CPQ: variants seen among roughly 807,000 people sequenced by gnomAD.
CPQ encodes the protein Ser-Met dipeptidase.
A neutral mutation model predicts 45.7 loss-of-function variants in CPQ; 37 were observed. The observed-to-expected ratio is 0.81, with a 90% confidence interval of 0.62 to 1.07. The LOEUF (loss-of-function observed/expected upper bound fraction) is 1.07, where lower values mean the gene tolerates loss of function less well. Ranked by LOEUF, CPQ falls within the 50% of genes least tolerant of loss-of-function variation. The pLI is 0.00. For synonymous variants in CPQ, 186 were observed against 205.8 expected (o/e 0.90, Z 0.82); for missense variants, 537 against 572.9 (o/e 0.94, Z 0.64).
At chr8:97,044,276 C>T (rs938138177) in intron 6 of CPQ, among the ~76,000 whole-genome samples, 25 of 152,294 alleles carry the variant, frequency 1.6e-4, no homozygotes, top group African/African-American at 4.6e-4. Context: ...TTGATTGCAT[C>T]GGCTCCTGAG....
At chr8:96,826,706 T>C (rs932714812) in intron 2 of CPQ, among the ~76,000 whole-genome samples, 2 of 151,934 alleles carry the variant, frequency 1.3e-5, no homozygotes, top group Non-Finnish European at 2.9e-5. Context: ...GGTGGTTTGT[T>C]GCACCCATCA....
intron 7 of CPQ, among the ~76,000 whole-genome samples, chr8:97,091,277 G>A (rs1811120322): frequency 6.6e-6 from 1 of 152,148 alleles, no homozygotes; most frequent in African/African-American, 2.4e-5. Context: ...CTCAGAAGAG[G>A]GGATGTCTGA....
At chr8:96,797,948 G>T (rs1468955972) in intron 2 of CPQ, among the ~76,000 whole-genome samples, 2 of 151,958 alleles carry the variant, frequency 1.3e-5, no homozygotes, top group Non-Finnish European at 1.5e-5. Flanking sequence ...CTACTCAGGA[G>T]GCTAAGGCAG....
intron 7 of CPQ, among the ~76,000 whole-genome samples, chr8:97,092,207 AGTTTT>A (rs1811138344): frequency 6.6e-6 from 1 of 152,196 alleles, no homozygotes; most frequent in Non-Finnish European, 1.5e-5. Context: ...TGCGGCATTT[AGTTTT>A]AACACCCACT....
chr8:96,916,887 A>G (rs1224408420), intron 4 of CPQ, among the ~76,000 whole-genome samples: 1 of 152,132 alleles, frequency 6.6e-6, no homozygotes, highest in East Asian at 1.9e-4. Context: ...GACTGGGGTA[A>G]TGTGTTTTAG....
chr8:96,650,272 C>T (rs183614168), intron 1 of CPQ, among the ~76,000 whole-genome samples: 13 of 152,082 alleles, frequency 8.5e-5, no homozygotes, highest in East Asian at 3.9e-4. Flanking sequence ...GGTAATGATT[C>T]GGAGAAATTT....
intron 1 of CPQ, among the ~76,000 whole-genome samples, chr8:96,678,176 A>C (rs1809100134): frequency 6.6e-6 from 1 of 151,930 alleles, no homozygotes; most frequent in Non-Finnish European, 1.5e-5. Flanking sequence ...TTCCATGTGA[A>C]TTTTAGGATT....
At chr8:96,926,043 C>T (rs1218239880) in intron 4 of CPQ, among the ~76,000 whole-genome samples, 2 of 152,188 alleles carry the variant, frequency 1.3e-5, no homozygotes, top group Non-Finnish European at 2.9e-5. Context: ...AGGTTGAGAA[C>T]ACCACTGTAC....
rs760348999 is a variant in CPQ, at chr8:96,926,540, T to TTCTTCCTCTTCC, written c.850-39365_850-39354dup. 2.0e-3 allele frequency among the ~76,000 whole-genome samples: 251 copies of TTCTTCCTCTTCC among 127,468 alleles called. 13 individuals carry two copies. The highest frequency in any genetic ancestry group is 3.0e-3 in the African/African-American group (91 of 30,760). The allele number at this position is 127,468 out of a possible 152,430, so 83.6% of individuals were successfully genotyped here. On this transcript the variant is annotated intron_variant, in intron 4 of 7. Coordinates refer to ENST00000220763, the MANE Select transcript of CPQ (RefSeq NM_016134.4). Reference sequence around the variant, plus strand: ...CAGTCCTCCTTTCTTCTTTTTCTTCTTCTTCCTCTTCCTCTTCCTCTTCCT... The same window carrying TTCTTCCTCTTCC: ...CAGTCCTCCTTTCTTCTTTTTCTTCTTCTTCCTCTTCCTCTTCCTCTTCCTCTTCCTCTTCCT...
chr8:97,124,517 A>G (rs560486312), intron 7 of CPQ, among the ~76,000 whole-genome samples: 6 of 152,320 alleles, frequency 3.9e-5, no homozygotes, highest in African/African-American at 1.2e-4. Flanking sequence ...ATGATAGACT[A>G]TATGCTGGGT....
intron 5 of CPQ, among the ~76,000 whole-genome samples, chr8:96,972,117 C>A (rs374255063): frequency 7.2e-5 from 11 of 152,174 alleles, no homozygotes; most frequent in East Asian, 5.8e-4. Context: ...AAGTTCTCAG[C>A]CCTAGTTACC....
At chr8:96,940,308 A>G (rs2853278) in intron 4 of CPQ, among the ~76,000 whole-genome samples, 77,157 of 151,982 alleles carry the variant, frequency 0.51, 21,702 homozygotes, top group African/African-American at 0.77. Flanking sequence ...TAACATTGCT[A>G]CCATATGGAG....
chr8:96,999,534 T>A (rs1032284427), intron 5 of CPQ, among the ~76,000 whole-genome samples: 25 of 152,080 alleles, frequency 1.6e-4, no homozygotes, highest in Non-Finnish European at 2.8e-4. Flanking sequence ...GATAATGGCC[T>A]CCAGCTCCTT....
intron 5 of CPQ, among the ~76,000 whole-genome samples, chr8:96,977,603 C>G (rs1254703706): frequency 5.3e-5 from 8 of 151,898 alleles, no homozygotes; most frequent in Admixed American, 3.3e-4. Context: ...GACCATCAAT[C>G]AATGATGGGT....
chr8:97,024,437 A>T (rs1809762475), intron 5 of CPQ, among the ~76,000 whole-genome samples: 2 of 152,172 alleles, frequency 1.3e-5, no homozygotes, highest in Non-Finnish European at 2.9e-5. Flanking sequence ...ATGCTCCCCC[A>T]AAATGCCTAA....
intron 1 of CPQ, among the ~76,000 whole-genome samples, chr8:96,705,432 A>G (rs1222912714): frequency 1.3e-5 from 2 of 152,180 alleles, no homozygotes; most frequent in Non-Finnish European, 2.9e-5. Flanking sequence ...AGCCTCTTCT[A>G]TGTGGGACAC....
At chr8:97,075,195 T>C (rs1810822372) in intron 7 of CPQ, among the ~76,000 whole-genome samples, 1 of 152,196 alleles carries the variant, frequency 6.6e-6, no homozygotes, top group Non-Finnish European at 1.5e-5. Context: ...ATTATGATGT[T>C]GCTCCATTGT....
intron 4 of CPQ, among the ~76,000 whole-genome samples, chr8:96,895,769 T>C (rs892755395): frequency 2.0e-5 from 3 of 152,178 alleles, no homozygotes; most frequent in South Asian, 2.1e-4. Context: ...GCATGAATGA[T>C]TGGATGGAGA....
At chr8:96,930,107 G>A (rs975968976) in intron 4 of CPQ, among the ~76,000 whole-genome samples, 3 of 152,130 alleles carry the variant, frequency 2.0e-5, no homozygotes, top group Non-Finnish European at 4.4e-5. Context: ...CAACAGAAAT[G>A]AAAAATGAAA....
Sources: allele counts gnomAD v4.1 joint callset (sites outside exome capture counted in the v4.1 genomes callset), GRCh38; gene constraint gnomAD v4.1.1; transcripts MANE v1.5; gene names NCBI Gene and HGNC (gene_info 2026-07-23, HGNC 2026-07-21).